PLCG2: variants seen among roughly 807,000 people sequenced by gnomAD.
PLCG2 encodes the protein 1-phosphatidylinositol 4,5-bisphosphate phosphodiesterase gamma-2.
A neutral mutation model predicts 175.6 loss-of-function variants in PLCG2; 69 were observed. The ratio of observed to expected loss-of-function variants is 0.39; its 90% CI spans 0.32 to 0.48. The LOEUF is 0.48. Ranked by LOEUF, PLCG2 falls within the 20% of genes least tolerant of loss-of-function variation. The pLI is 0.91. For missense variants in PLCG2, 1,798 were observed against 1,650.9 expected (o/e 1.09, Z -1.54); for synonymous variants, 827 against 624.0 (o/e 1.33, Z -4.85).
At chr16:81,813,319 C>A (rs575107882) in intron 2 of PLCG2, among the ~76,000 whole-genome samples, 1 of 152,210 alleles carries the variant, frequency 6.6e-6, no homozygotes, top group South Asian at 2.1e-4. Flanking sequence ...AATCTTTTTT[C>A]ATTTATTTGT....
At chr16:81,924,725 T>C (rs1910192459) in intron 22 of PLCG2, among the ~76,000 whole-genome samples, 1 of 152,258 alleles carries the variant, frequency 6.6e-6, no homozygotes, top group East Asian at 1.9e-4. Flanking sequence ...GAATCAAAGA[T>C]GCAGCCGAGT....
At chr16:81,890,497 T>G (rs1035194634) in intron 10 of PLCG2, among the ~76,000 whole-genome samples, 2 of 152,224 alleles carry the variant, frequency 1.3e-5, no homozygotes, top group Non-Finnish European at 2.9e-5. Flanking sequence ...TTTCTTACTC[T>G]TCTCTACTGA....
intron 2 of PLCG2, among the ~76,000 whole-genome samples, chr16:81,802,347 C>G (rs1315665809): frequency 3.3e-5 from 5 of 151,042 alleles, no homozygotes; most frequent in Admixed American, 6.6e-5. Flanking sequence ...CTCCTGACCT[C>G]GTGATCCACC....
intron 12 of PLCG2, among the ~76,000 whole-genome samples, chr16:81,894,187 A>C (rs11862261): frequency 3.3e-5 from 5 of 151,742 alleles, no homozygotes; most frequent in African/African-American, 1.2e-4. Context: ...CCAGCACTTC[A>C]GGAGGCTGAA....
chr16:81,794,919 G>A (rs1216976855), intron 2 of PLCG2, among the ~76,000 whole-genome samples: 1 of 152,242 alleles, frequency 6.6e-6, no homozygotes, highest in Non-Finnish European at 1.5e-5. Flanking sequence ...GTGAAAAGTA[G>A]AGTTGACATT....
intron 2 of PLCG2, among the ~76,000 whole-genome samples, chr16:81,849,534 G>A (rs571435753): frequency 1.6e-4 from 24 of 152,170 alleles, no homozygotes; most frequent in Admixed American, 3.9e-4. Flanking sequence ...CGAGACAGGC[G>A]GATCACCTGA....
chr16:81,782,931 T>A (rs1424938711), intron 1 of PLCG2, among the ~76,000 whole-genome samples: 1 of 152,220 alleles, frequency 6.6e-6, no homozygotes, highest in Non-Finnish European at 1.5e-5. Flanking sequence ...CCCCTGCTCC[T>A]TTAGGGCAAC....
At chr16:81,757,122 G>C (rs1909944537) in intron 2 of PLCG2, among the ~76,000 whole-genome samples, 1 of 152,052 alleles carries the variant, frequency 6.6e-6, no homozygotes, top group African/African-American at 2.4e-5. Flanking sequence ...TTTACTTTTG[G>C]GTGAGTCAAA....
At chr16:81,862,475 G>A (rs532856402) in intron 5 of PLCG2, among the ~76,000 whole-genome samples, 21 of 152,352 alleles carry the variant, frequency 1.4e-4, no homozygotes, top group African/African-American at 4.1e-4. Flanking sequence ...GAGGTTAAGT[G>A]ACTTGACTAA....
chr16:81,787,001 C>T (rs969728393), intron 2 of PLCG2, among the ~76,000 whole-genome samples: 3 of 152,176 alleles, frequency 2.0e-5, no homozygotes, highest in East Asian at 3.8e-4. Flanking sequence ...CAATTGGGAA[C>T]TCTTGTACAC....
chr16:81,793,065 A>C (rs1046198049), intron 2 of PLCG2, among the ~76,000 whole-genome samples: 3 of 152,246 alleles, frequency 2.0e-5, no homozygotes, highest in Non-Finnish European at 4.4e-5. Context: ...ACCAGAAAGA[A>C]AAAAGGCCCC....
At chr16:81,784,737 G>T (rs1446072098) in intron 1 of PLCG2, among the ~76,000 whole-genome samples, 1 of 152,186 alleles carries the variant, frequency 6.6e-6, no homozygotes, top group Non-Finnish European at 1.5e-5. Context: ...CATTTAGATG[G>T]TGGATACTGT....
intron 19 of PLCG2, among the ~76,000 whole-genome samples, chr16:81,915,966 C>G (rs905707270): frequency 2.6e-5 from 4 of 152,262 alleles, no homozygotes; most frequent in Admixed American, 2.6e-4. Context: ...AGTTTTCTAG[C>G]TGGTGTGTCC....
At chr16:81,851,149 C>G (rs1033337423) in intron 2 of PLCG2, among the ~76,000 whole-genome samples, 1 of 152,166 alleles carries the variant, frequency 6.6e-6, no homozygotes, top group Non-Finnish European at 1.5e-5. Flanking sequence ...TAGGGCCACC[C>G]ATAATTGAGA....
At chr16:81,764,152 G>C (rs533857356) in intron 2 of PLCG2, among the ~76,000 whole-genome samples, 2 of 152,064 alleles carry the variant, frequency 1.3e-5, no homozygotes, top group African/African-American at 4.8e-5. Flanking sequence ...AAATTAGCCA[G>C]GTGTGATGGT....
chr16:81,897,521 TTC>T (rs1567522018), intron 13 of PLCG2, among the ~76,000 whole-genome samples: 3 of 148,810 alleles, frequency 2.0e-5, no homozygotes, highest in Non-Finnish European at 4.5e-5. Flanking sequence ...CGATTATTTT[TTC>T]TCTTTTTTTC....
intron 32 of PLCG2, among the ~76,000 whole-genome samples, chr16:81,957,165 C>T (rs546272502): frequency 1.3e-5 from 2 of 151,882 alleles, no homozygotes; most frequent in Non-Finnish European, 2.9e-5. Context: ...TGGGCATGGT[C>T]GTGGGCGCCT....
chr16:81,840,675 G>A lies in PLCG2; in HGVS notation c.194-13769G>A, dbSNP rs74029244. On this transcript the variant is annotated intron_variant, in intron 2 of 32. Coordinates refer to ENST00000564138, the MANE Select transcript of PLCG2 (RefSeq NM_002661.5). ...TAACGCCGCTGATGATCTGACAGGA[G>A]GTGGAGCTCAGGCAGTAATGTTCGC... 8.5e-3 allele frequency among the ~76,000 whole-genome samples: 1,291 copies of A among 152,300 alleles called. 22 individuals are homozygous for A. Among genetic ancestry groups the A allele is most frequent in the African/African-American group, 0.028 (1,149 of 41,552 alleles).
intron 30 of PLCG2, among the ~76,000 whole-genome samples, chr16:81,942,201 G>C (rs1910969664): frequency 6.6e-6 from 1 of 152,202 alleles, no homozygotes; most frequent in Non-Finnish European, 1.5e-5. Context: ...TGAGGGCCTT[G>C]AGCCTCATAA....
Sources: gnomAD v4.1 joint callset for allele counts (sites outside exome capture counted in the v4.1 genomes callset) on GRCh38, gnomAD v4.1.1 for gene constraint, MANE v1.5 for transcripts, NCBI Gene and HGNC (gene_info 2026-07-23, HGNC 2026-07-21) for gene names.